The following PRAG1 variants were observed in gnomAD, a reference collection of about 807,000 sequenced individuals.
PRAG1 encodes PEAK1 related, kinase-activating pseudokinase 1, also known as inactive tyrosine-protein kinase PRAG1.
Under a neutral mutation model 95.6 loss-of-function variants are expected in PRAG1, and 110 were observed. The observed-to-expected ratio is 1.15, with a 90% CI of 0.99 to 1.35. The LOEUF (loss-of-function observed/expected upper bound fraction) is 1.35, where lower values mean the gene tolerates loss of function less well. Ranked by LOEUF, PRAG1 falls within the 40% of genes most tolerant of loss-of-function variation. The probability of loss-of-function intolerance (pLI) is 0.00; values close to 1 mark genes in which losing one functional copy is unlikely to be tolerated. For synonymous variants in PRAG1, 1,052 were observed against 819.4 expected (o/e 1.28, Z -4.85); for missense variants, 2,554 against 1,864.7 (o/e 1.37, Z -6.81).
chr8:8,328,606 A>C (rs1404460852), intron 4 of PRAG1, 145 bp from the exon 5 acceptor site: 2 of 924,744 alleles, frequency 2.2e-6, no homozygotes, highest in East Asian at 5.3e-5. Flanking sequence ...TCTAATAGAC[A>C]ATATATGCAC....
chr8:8,351,333 C>T (rs546569763), intron 3 of PRAG1, among the ~76,000 whole-genome samples: 29 of 152,212 alleles, frequency 1.9e-4, no homozygotes, highest in African/African-American at 6.3e-4. Context: ...CTCCCATGGT[C>T]GAATCACCTC....
At chr8:8,350,185 T>C (rs1799477155) in intron 3 of PRAG1, among the ~76,000 whole-genome samples, 1 of 152,200 alleles carries the variant, frequency 6.6e-6, no homozygotes, top group South Asian at 2.1e-4. Flanking sequence ...TGTGGACTTT[T>C]CCAAAGAAGT....
intron 3 of PRAG1, among the ~76,000 whole-genome samples, chr8:8,355,679 G>T (rs907861538): frequency 3.3e-5 from 5 of 152,128 alleles, no homozygotes; most frequent in African/African-American, 1.2e-4. Context: ...CCATAGAAAA[G>T]ATAGTCTCTT....
At chr8:8,345,065 G>C (rs1033514843) in intron 3 of PRAG1, among the ~76,000 whole-genome samples, 3 of 151,066 alleles carry the variant, frequency 2.0e-5, no homozygotes, top group Admixed American at 2.0e-4. Context: ...GTGTGTGTGT[G>C]TGTGTGTGTG....
intron 4 of PRAG1, among the ~76,000 whole-genome samples, chr8:8,330,427 T>C (rs73184316): frequency 0.013 from 2,047 of 152,230 alleles, 18 homozygotes; most frequent in Middle Eastern, 0.048. Context: ...CACTTTCCCA[T>C]CTGTAGTAAG....
intron 3 of PRAG1, among the ~76,000 whole-genome samples, chr8:8,354,886 C>T (rs1299819407): frequency 6.6e-6 from 1 of 152,052 alleles, no homozygotes; most frequent in Non-Finnish European, 1.5e-5. Flanking sequence ...TCCACTTCTG[C>T]CACTTCATAT....
At chr8:8,355,171 C>T (rs908420132) in intron 3 of PRAG1, among the ~76,000 whole-genome samples, 3 of 151,970 alleles carry the variant, frequency 2.0e-5, no homozygotes, top group East Asian at 1.9e-4. Flanking sequence ...ATCCAACTTA[C>T]AATGGCATAA....
chr8:8,322,729 C>A (rs907778584), intron 5 of PRAG1, among the ~76,000 whole-genome samples: 3 of 152,176 alleles, frequency 2.0e-5, no homozygotes, highest in African/African-American at 7.2e-5. Flanking sequence ...GTCTCCATAA[C>A]CCCTTCTCAT....
In PRAG1 at chr8:8,378,024, G is replaced by A. The variant is rs1377624851; in HGVS notation, c.385C>T (p.Pro129Ser). The A allele has an allele frequency of 6.3e-6, 10 of 1,577,914 alleles. No homozygotes were observed. The highest frequency in any genetic ancestry group is 8.6e-6 in the Non-Finnish European group (10 of 1,160,612). Residue 129 changes from proline to serine, a missense_variant, in exon 3 of 6, where the codon CCC becomes TCC. Physicochemically the swap from Pro to Ser is moderately conservative, Grantham distance 74. Transcript: ENST00000615670. ...CGGAAGCTGCCCAGGTAGACGACGG[G>A]GGCATCCTCCTGCTTCGGGAGGGGG... ...KLPLPKQEDA[P>S]VVYLGSFRGV...
chr8:8,379,859 G>T (rs535714576), intron 2 of PRAG1, among the ~76,000 whole-genome samples: 1 of 152,356 alleles, frequency 6.6e-6, no homozygotes, highest in South Asian at 2.1e-4. Flanking sequence ...AGTGACCCTA[G>T]AAGAAAGCTG....
At chr8:8,359,023 C>T (rs1370811250) in intron 3 of PRAG1, among the ~76,000 whole-genome samples, 2 of 152,168 alleles carry the variant, frequency 1.3e-5, no homozygotes, top group East Asian at 1.9e-4. Context: ...ATATAAAATG[C>T]TTATCCTTTT....
At chr8:8,326,504 C>G (rs1798642221) in intron 5 of PRAG1, among the ~76,000 whole-genome samples, 1 of 152,018 alleles carries the variant, frequency 6.6e-6, no homozygotes, top group Non-Finnish European at 1.5e-5. Context: ...AATAGGTAAT[C>G]AAGGAACAGC....
intron 4 of PRAG1, among the ~76,000 whole-genome samples, chr8:8,337,146 C>T (rs1799016232): frequency 6.6e-6 from 1 of 152,158 alleles, no homozygotes; most frequent in Non-Finnish European, 1.5e-5. Flanking sequence ...TATCTTTTGG[C>T]TTAATGTATA....
chr8:8,382,085 C>T (rs1441346592), intron 1 of PRAG1, among the ~76,000 whole-genome samples: 1 of 151,824 alleles, frequency 6.6e-6, no homozygotes, highest in Non-Finnish European at 1.5e-5. Flanking sequence ...AAAGACATTT[C>T]GGTCCCCTAA....
chr8:8,354,884 T>C (rs1219396599), intron 3 of PRAG1, among the ~76,000 whole-genome samples: 2 of 152,116 alleles, frequency 1.3e-5, no homozygotes, highest in Non-Finnish European at 2.9e-5. Context: ...AATCCACTTC[T>C]GCCACTTCAT....
chr8:8,339,579 G>A lies in PRAG1; in HGVS notation c.2219C>T (p.Ser740Phe). ...GAAGGATGGGCTGAGGCTTTCTGCA[G>A]AGCCCTGGCTCACTTTTTCCAAATC... The part of the protein sequence containing the change: ...SSDLEKVSQG[S>F]AESLSPSFRG... The change falls in exon 4 of 6, where the codon TCT (serine) becomes TTT (phenylalanine). Residue 740 changes from serine to phenylalanine, a missense_variant. Coordinates refer to ENST00000615670, the MANE Select transcript of PRAG1 (RefSeq NM_001080826.3). 6.2e-7 allele frequency: 1 copy of A among 1,614,164 alleles called. No individual in the cohort carries two copies. Among genetic ancestry groups the A allele is most frequent in the Non-Finnish European group, 8.5e-7 (1 of 1,180,008 alleles).
At chr8:8,373,004 A>G (rs1800261975) in intron 3 of PRAG1, among the ~76,000 whole-genome samples, 1 of 152,220 alleles carries the variant, frequency 6.6e-6, no homozygotes, top group African/African-American at 2.4e-5. Context: ...GAAGCTGATC[A>G]TTAGAAATAG....
At position 8,328,131 on chromosome 8, in the gene PRAG1, T is replaced by G. The variant is rs1798698238; in HGVS notation, c.2651A>C (p.Lys884Thr). 3 of 1,614,116 alleles carry G rather than the reference T, an allele frequency of 1.9e-6. No individual in the cohort carries two copies. In the East Asian group the frequency reaches 6.7e-5, roughly 36 times the overall value. ...CCAGTGGCCACTGCCTTTGAAAGCTTTCTCCAGAGGATCGGAAGAGGAGAA... is the reference window on the plus strand; with the variant it reads ...CCAGTGGCCACTGCCTTTGAAAGCTGTCTCCAGAGGATCGGAAGAGGAGAA... Reference protein sequence around the residue: ...PVFSSSDPLEKAFKGSGHWLP... With the variant: ...PVFSSSDPLETAFKGSGHWLP... The change falls in exon 5 of 6, where the codon AAA becomes ACA. Residue 884 changes from lysine (K) to threonine (T), a missense_variant. By Grantham distance (78) the Lys-to-Thr change is moderately conservative. Transcript: ENST00000615670.
chr8:8,319,451 A>G (rs1253181405), intron 5 of PRAG1, 149 bp from the exon 6 acceptor site: 2 of 511,066 alleles, frequency 3.9e-6, no homozygotes, highest in Non-Finnish European at 6.2e-6. Flanking sequence ...AGAAGAAAAC[A>G]TGGGACAGAA....
Sources: allele counts gnomAD v4.1 joint callset (sites outside exome capture counted in the v4.1 genomes callset), GRCh38; gene constraint gnomAD v4.1.1; transcripts MANE v1.5; gene names NCBI Gene and HGNC (gene_info 2026-07-23, HGNC 2026-07-21).